Variants in PRKN observed in about 807,000 individuals in gnomAD.
PRKN encodes the protein E3 ubiquitin-protein ligase parkin.
PRKN carries 56 observed loss-of-function variants against 59.5 expected under a neutral mutation model. That is an observed-to-expected ratio of 0.94 (90% CI 0.76 to 1.18). PRKN has a LOEUF of 1.18. Ranked by LOEUF, PRKN falls within the 50% of genes most tolerant of loss-of-function variation. The pLI is 0.00. For missense variants in PRKN, 657 were observed against 596.4 expected, an observed-to-expected ratio of 1.10 and a Z score of -1.06; for synonymous variants, 250 against 222.1, an observed-to-expected ratio of 1.13 and a Z score of -1.12.
Position 161,548,862 on chromosome 6 carries a change from C to T in PRKN, c.1075G>A (p.Gly359Ser), listed in dbSNP as rs763082278. ...KVTCEGGNGL[G>S]CGFAFCRECK... is the part of the protein sequence containing the mutation. ...GTGTGGGCAGTACTCACCCCACAGCCCAGGCCATTGCCCCCTTCGCAGGTG... is the reference window on the plus strand; with the variant it reads ...GTGTGGGCAGTACTCACCCCACAGCTCAGGCCATTGCCCCCTTCGCAGGTG... The change falls in exon 9 of 12, where the codon GGC (glycine) becomes AGC (serine). Residue 359 changes from glycine to serine, a missense_variant. Physicochemically the swap from Gly to Ser is moderately conservative, Grantham distance 56. Transcript: ENST00000366898. The surrounding 1 kb of genome is among the most constrained non-coding windows in gnomAD (Gnocchi z 4.2). 8 of 1,614,164 alleles carry T rather than the reference C, an allele frequency of 5.0e-6. No individual in the cohort carries two copies. The highest frequency in any genetic ancestry group is 6.8e-6 in the Non-Finnish European group (8 of 1,180,010).
intron 9 of PRKN, among the ~76,000 whole-genome samples, chr6:161,482,104 A>G (rs1791431143): frequency 6.6e-6 from 1 of 152,216 alleles, no homozygotes; most frequent in Non-Finnish European, 1.5e-5. Context: ...CAAAGAAACA[A>G]TCTCAAGTAA....
chr6:162,281,164 G>T (rs986106129), intron 2 of PRKN, among the ~76,000 whole-genome samples: 1 of 151,998 alleles, frequency 6.6e-6, no homozygotes, highest in Admixed American at 6.6e-5. Flanking sequence ...ACTGTCACAA[G>T]GACAGAAAAC....
In PRKN at chr6:161,386,705, A is replaced by G. The variant is rs1786265274; in HGVS notation, c.1167+89T>C. Reference sequence around the variant, plus strand: ...CCAGTCTGCTTCTTGCTTTTTTAGAATGGAACTCTCCATGACCTCCAGGAA... The same window carrying G: ...CCAGTCTGCTTCTTGCTTTTTTAGAGTGGAACTCTCCATGACCTCCAGGAA... On this transcript the variant is annotated intron_variant, in intron 10 of 11. Coordinates refer to ENST00000366898, the MANE Select transcript of PRKN (RefSeq NM_004562.3). This position sits in a 1 kb window ranked among gnomAD's most constrained non-coding sequence, Gnocchi z 4.3. 4.8e-6 allele frequency: 5 copies of G among 1,032,144 alleles called. No homozygotes were observed. The Admixed American group carries it at 8.5e-5, about 18-fold the overall frequency. 63.9% of individuals were successfully genotyped at this position (1,032,144 alleles called of 1,614,324 possible).
At chr6:161,986,488 GT>G (rs1481469026) in intron 5 of PRKN, among the ~76,000 whole-genome samples, 4 of 66,316 alleles carry the variant, frequency 6.0e-5, no homozygotes, top group African/African-American at 2.5e-4. Flanking sequence ...AGTCTGCAGT[GT>G]CCTTTTTTTT....
intron 6 of PRKN, among the ~76,000 whole-genome samples, chr6:161,803,129 C>T (rs1168261609): frequency 6.6e-6 from 1 of 152,164 alleles, no homozygotes; most frequent in Non-Finnish European, 1.5e-5. Flanking sequence ...GGTATGTATG[C>T]CTTATCTTCC....
chr6:162,442,818 G>A (rs147633892), intron 2 of PRKN, among the ~76,000 whole-genome samples: 277 of 152,268 alleles, frequency 1.8e-3, no homozygotes, highest in African/African-American at 6.5e-3. Flanking sequence ...CCCAAAGCTA[G>A]TTGCCAATGG....
intron 9 of PRKN, among the ~76,000 whole-genome samples, chr6:161,515,329 T>G (rs1299993894): frequency 1.3e-5 from 2 of 152,206 alleles, no homozygotes; most frequent in Non-Finnish European, 2.9e-5. Flanking sequence ...TTAACCTGGT[T>G]AAGTTTTCTG....
intron 2 of PRKN, among the ~76,000 whole-genome samples, chr6:162,413,206 A>G (rs888930551): frequency 2.0e-5 from 3 of 152,138 alleles, no homozygotes; most frequent in Non-Finnish European, 4.4e-5. Context: ...CTCTCTGTAC[A>G]GTCTGTTTTT....
chr6:162,038,278 T>C (rs546211386), intron 5 of PRKN, among the ~76,000 whole-genome samples: 1 of 152,302 alleles, frequency 6.6e-6, no homozygotes, highest in African/African-American at 2.4e-5. Context: ...CAATTGACTG[T>C]GTAGGAATTA....
intron 2 of PRKN, among the ~76,000 whole-genome samples, chr6:162,376,604 T>G (rs1201151730): frequency 6.6e-6 from 1 of 151,064 alleles, no homozygotes; most frequent in Non-Finnish European, 1.5e-5. Flanking sequence ...GGGGAGTTAC[T>G]ACACCAGGCA....
intron 5 of PRKN, among the ~76,000 whole-genome samples, chr6:162,022,409 T>A (rs561335727): frequency 5.9e-5 from 9 of 152,356 alleles, no homozygotes; most frequent in African/African-American, 1.9e-4. Context: ...GTGGTTTTCA[T>A]TTGCATTTCT....
At chr6:162,400,148 A>C (rs994742169) in intron 2 of PRKN, among the ~76,000 whole-genome samples, 2 of 152,046 alleles carry the variant, frequency 1.3e-5, no homozygotes, top group African/African-American at 4.8e-5. Flanking sequence ...TGGAAGTTGC[A>C]GTGACCTGAG....
intron 2 of PRKN, among the ~76,000 whole-genome samples, chr6:162,272,045 T>A (rs1467425175): frequency 6.6e-6 from 1 of 151,982 alleles, no homozygotes; most frequent in Non-Finnish European, 1.5e-5. Flanking sequence ...TCCATGTCCC[T>A]CCCACCACAG....
At chr6:162,356,518 A>G (rs1034603224) in intron 2 of PRKN, among the ~76,000 whole-genome samples, 18 of 150,270 alleles carry the variant, frequency 1.2e-4, no homozygotes, top group South Asian at 2.1e-4. Flanking sequence ...TTTAAGAAAT[A>G]ATCTAATATA....
chr6:161,717,057 T>G (rs1583047334), intron 7 of PRKN, among the ~76,000 whole-genome samples: 1 of 151,944 alleles, frequency 6.6e-6, no homozygotes, highest in African/African-American at 2.4e-5. Context: ...CTGTCAGAGG[T>G]CTTATGTTCT....
intron 4 of PRKN, among the ~76,000 whole-genome samples, chr6:162,139,659 G>A (rs76842557): frequency 0.13 from 20,411 of 152,088 alleles, 1,565 homozygotes; most frequent in African/African-American, 0.19. Context: ...GCTTAGCTGT[G>A]GACTCACACT....
At chr6:161,877,088 A>G (rs1794758015) in intron 6 of PRKN, among the ~76,000 whole-genome samples, 1 of 152,150 alleles carries the variant, frequency 6.6e-6, no homozygotes, top group Non-Finnish European at 1.5e-5. Context: ...CCTGAATCCT[A>G]TATGTAGTCC....
chr6:161,951,051 G>A (rs990229305), intron 6 of PRKN, among the ~76,000 whole-genome samples: 2 of 129,192 alleles, frequency 1.5e-5, no homozygotes, highest in Non-Finnish European at 3.3e-5. Context: ...AGGTACGGGT[G>A]TTAAGTAATC....
At chr6:161,943,831 AGGATCAGCCTGAG>A (rs1779659389) in intron 6 of PRKN, among the ~76,000 whole-genome samples, 1 of 131,004 alleles carries the variant, frequency 7.6e-6, no homozygotes, top group Non-Finnish European at 1.6e-5. Context: ...ATCAGCCTGA[AGGATCAGCCTGAG>A]GGATCAGCCT....
Sources: gnomAD v4.1 joint callset for allele counts (sites outside exome capture counted in the v4.1 genomes callset) on GRCh38, gnomAD v4.1.1 for gene constraint, Gnocchi (gnomAD v3.1) non-coding constraint, MANE v1.5 for transcripts, NCBI Gene and HGNC (gene_info 2026-07-23, HGNC 2026-07-21) for gene names.